Variants in CROCC2 observed in about 807,000 individuals in gnomAD.
CROCC2 encodes ciliary rootlet coiled-coil protein 2.
A neutral mutation model predicts 177.6 loss-of-function variants in CROCC2; 163 were observed. That is an observed-to-expected ratio of 0.92 (90% CI 0.81 to 1.05). The LOEUF is 1.05. CROCC2 is among the 50% of genes least tolerant of loss of function. The pLI is 0.00. For synonymous variants in CROCC2, 904 were observed against 787.3 expected (o/e 1.15, Z -2.48); for missense variants, 1,929 against 1,797.8 (o/e 1.07, Z -1.32).
At chr2:240,964,683 C>T (rs544980925) in intron 22 of CROCC2, 58 bp downstream of exon 22, 13 of 1,515,900 alleles carry the variant, frequency 8.6e-6, no homozygotes, top group African/African-American at 6.9e-5. Context: ...TGGTGGGTCC[C>T]GGCTCCTCCC....
chr2:240,935,353 G>C lies in CROCC2; in HGVS notation c.1939-5G>C. 8.1e-6 allele frequency: 11 copies of C among 1,356,592 alleles called. No individual in the cohort carries two copies. Among genetic ancestry groups the C allele is most frequent in the Non-Finnish European group, 1.0e-5 (11 of 1,048,408 alleles). The allele number at this position is 1,356,592 out of a possible 1,614,324, so 84.0% of individuals were successfully genotyped here. On this transcript the variant is annotated splice_polypyrimidine_tract_variant and splice_region_variant and intron_variant, in intron 13 of 31. Coordinates refer to ENST00000690015, the MANE Select transcript of CROCC2 (RefSeq NM_001351305.2). Reference sequence around the variant, plus strand: ...GGATGCAGAGCCCCCGACACCTGGTGGCAGCTGGAGCAGGAGCGGGACCAG... The same window carrying C: ...GGATGCAGAGCCCCCGACACCTGGTCGCAGCTGGAGCAGGAGCGGGACCAG...
intron 28 of CROCC2, chr2:240,983,591 G>A (rs1199830253): frequency 2.3e-6 from 3 of 1,282,414 alleles, no homozygotes; most frequent in Admixed American, 4.6e-5. Context: ...AGGCGGCAGC[G>A]GTGGTCCTTA....
Position 240,988,761 on chromosome 2 carries a change from G to A in CROCC2, c.4574G>A (p.Arg1525Lys). ...CAGATGGAGCAAGAGACACTGAAGA[G>A]GGAGGAGGATGTGGCGAGGCTGGGG... ...LRQMEQETLKREEDVARLGAE... is the reference protein window; with the variant it reads ...LRQMEQETLKKEEDVARLGAE... Residue 1525 changes from arginine to lysine, a missense_variant, in exon 29 of 32, where the codon AGG becomes AAG. Physicochemically the swap from Arg to Lys is conservative, Grantham distance 26. Transcript: ENST00000690015. 1 of 1,496,708 alleles carries A rather than the reference G, an allele frequency of 6.7e-7. No individual in the cohort carries two copies. The highest frequency in any genetic ancestry group is 2.1e-5 in the Admixed American group (1 of 46,708). The allele number at this position is 1,496,708 out of a possible 1,614,324, so 92.7% of individuals were successfully genotyped here.
intron 27 of CROCC2, among the ~76,000 whole-genome samples, chr2:240,975,766 G>A (rs182022367): frequency 7.3e-5 from 9 of 123,370 alleles, no homozygotes; most frequent in South Asian, 2.5e-4. Context: ...TTTTGCTCTC[G>A]TTGCCCAGGC....
intron 14 of CROCC2, among the ~76,000 whole-genome samples, chr2:240,943,385 C>T (rs1158758599): frequency 6.6e-6 from 1 of 152,086 alleles, no homozygotes; most frequent in Non-Finnish European, 1.5e-5. Flanking sequence ...CTTTTCGTTC[C>T]CCGGCTGCTT....
chr2:240,989,676 A>C lies in CROCC2; in HGVS notation c.4706A>C (p.Gln1569Pro). 3.2e-6 allele frequency: 5 copies of C among 1,548,284 alleles called. No homozygotes were observed. The highest frequency in any genetic ancestry group is 4.4e-6 in the Non-Finnish European group (5 of 1,145,248). The change falls in exon 30 of 32, where the codon CAG becomes CCG. Residue 1569 changes from glutamine to proline, a missense_variant. Transcript: ENST00000690015. ...CAGGCCCAGATGACAGAGATGGAGC[A>C]GGCCCACACCCAGCGGCTCCAGGAC... is the stretch of plus-strand genomic sequence containing the variant. ...QLQAQMTEME[Q>P]AHTQRLQDLT...
intron 27 of CROCC2, among the ~76,000 whole-genome samples, chr2:240,969,098 A>C (rs1483787562): frequency 6.6e-6 from 1 of 152,148 alleles, no homozygotes. Flanking sequence ...TTCTGGAAAG[A>C]GGGGGCCAGC....
At position 240,930,245 on chromosome 2, in the gene CROCC2, C is replaced by T; in HGVS notation, c.725C>T (p.Ala242Val). Residue 242 changes from alanine (A) to valine (V), a missense_variant, in exon 6 of 32, where the codon GCC becomes GTC. Around this residue, in one of 3 missense-constraint regions of CROCC2, gnomAD observed 1,397 missense variants for 1,239.9 expected, o/e 1.13. Transcript: ENST00000690015. ...GCCGTGGTGCTGGGGACAGACCTGG[C>T]CGAGCTGCGTGTAGCCACTGAGAGG... ...RQAVVLGTDLAELRVATERGL... is the reference protein window; with the variant it reads ...RQAVVLGTDLVELRVATERGL... The T allele has an allele frequency of 3.5e-6, 2 of 579,040 alleles. No individual in the cohort carries two copies. Among genetic ancestry groups the T allele is most frequent in the Non-Finnish European group, 6.3e-6 (2 of 315,714 alleles). The allele number at this position is 579,040 out of a possible 1,614,324, so 35.9% of individuals were successfully genotyped here.
chr2:240,957,865 C>G (rs1207149024), intron 19 of CROCC2: 7 of 576,324 alleles, frequency 1.2e-5, no homozygotes, highest in African/African-American at 2.0e-5. Context: ...CTCCTCCCGA[C>G]CACTGGCCCA....
rs558369204 is a variant in CROCC2, at chr2:240,918,815, C to A, written c.168C>A (p.Thr56=). ...GGGAAGGCCGGCAGGCCTCGCCCAC[C>A]CCCGTGCCCACCCGCATCCGTGAGA... The part of the protein sequence containing the change: ...VRGEGRQASP[T]PVPTRIREIV... The change falls in exon 2 of 32, where the codon ACC becomes ACA. Residue 56 remains threonine, a synonymous_variant. Coordinates refer to ENST00000690015, the MANE Select transcript of CROCC2 (RefSeq NM_001351305.2). This position sits in a 1 kb window ranked among gnomAD's most constrained non-coding sequence, Gnocchi z 6.3. The A allele has an allele frequency of 6.5e-6, 4 of 620,012 alleles. No homozygotes were observed. Among genetic ancestry groups the A allele is most frequent in the South Asian group, 3.8e-5 (2 of 52,514 alleles). 38.4% of individuals were successfully genotyped at this position (620,012 alleles called of 1,614,324 possible).
rs1339237124 is a variant in CROCC2 at position 240,930,092 on chromosome 2, C to T, written c.646-74C>T. The T allele has an allele frequency of 5.8e-6, 3 of 521,360 alleles. No individual in the cohort carries two copies. The East Asian group carries it at 9.0e-5, about 16-fold the overall frequency. 32.3% of individuals were successfully genotyped at this position (521,360 alleles called of 1,614,324 possible). On this transcript the variant is annotated intron_variant, in intron 5 of 31. Transcript: ENST00000690015. ...CAGCCCCCATGGAGAGGGACATGCA[C>T]TTGGAAAAGAGTGGGCTTCAGGGAG...
Position 240,963,786 on chromosome 2 carries a change from C to T in CROCC2, c.3305+13C>T, listed in dbSNP as rs1212885436. The T allele has an allele frequency of 2.6e-6, 4 of 1,545,186 alleles. No individual in the cohort carries two copies. Among genetic ancestry groups the T allele is most frequent in the Non-Finnish European group, 3.5e-6 (4 of 1,143,148 alleles). ...AGGAGAAGGCCAGGTATGGCGGCCA[C>T]CCAGGAGCAGCTGGGGGTGCCCTGC... On this transcript the variant is annotated intron_variant, in intron 21 of 31. Transcript: ENST00000690015.
At position 240,933,055 on chromosome 2, in the gene CROCC2, T is replaced by C. The variant is rs139776366; in HGVS notation, c.1252-76T>C. On this transcript the variant is annotated intron_variant, in intron 9 of 31. Transcript: ENST00000690015. ...TGTCGGGGGTGTCCTTTCTGGGGAG[T>C]CGCAAGCCCTGGTGGGCCTCGGTGG... 3.8e-3 allele frequency: 5,770 copies of C among 1,530,526 alleles called. 39 individuals carry two copies. Among genetic ancestry groups the C allele is most frequent in the Admixed American group, 0.026 (1,316 of 50,728 alleles). The allele number at this position is 1,530,526 out of a possible 1,614,324, so 94.8% of individuals were successfully genotyped here. A position where few individuals can be genotyped will look rare whatever the true frequency, so the allele number is the denominator to read the frequency against.
chr2:240,964,686 C>G, intron 22 of CROCC2, 61 bp downstream of exon 22: 1 of 1,512,296 alleles, frequency 6.6e-7, no homozygotes, highest in Non-Finnish European at 8.9e-7. Context: ...TGGGTCCCGG[C>G]TCCTCCCAGG....
chr2:240,922,714 C>T (rs1229712967), intron 4 of CROCC2, 69 bp downstream of exon 4: 2 of 512,322 alleles, frequency 3.9e-6, no homozygotes, highest in Non-Finnish European at 7.0e-6. Context: ...CAGTGGGACC[C>T]TCTGTGCCTT....
Position 240,917,149 on chromosome 2 carries a change from G to A in CROCC2, c.79-1577G>A, listed in dbSNP as rs2059326125. Reference sequence around the variant, plus strand: ...GACAGACCCTGGTGCACGGGCTGTCGGGAGGACGGGCGGGCTGGCCCCAGA... The same window carrying A: ...GACAGACCCTGGTGCACGGGCTGTCAGGAGGACGGGCGGGCTGGCCCCAGA... On this transcript the variant is annotated intron_variant, in intron 1 of 31. Coordinates refer to ENST00000690015, the MANE Select transcript of CROCC2 (RefSeq NM_001351305.2). This position sits in a 1 kb window ranked among gnomAD's most constrained non-coding sequence, Gnocchi z 4.9. 6.6e-6 allele frequency among the ~76,000 whole-genome samples: 1 copy of A among 152,176 alleles called. No homozygotes were observed. Among genetic ancestry groups the A allele is most frequent in the African/African-American group, 2.4e-5 (1 of 41,448 alleles).
chr2:240,984,169 G>C (rs1247500068), intron 28 of CROCC2, among the ~76,000 whole-genome samples: 2 of 152,126 alleles, frequency 1.3e-5, no homozygotes, highest in African/African-American at 2.4e-5. Flanking sequence ...GACAAACGTA[G>C]ACCACTGTGT....
chr2:240,963,564 G>C lies in CROCC2; in HGVS notation c.3096G>C (p.Arg1032Ser), dbSNP rs763760716. The C allele has an allele frequency of 1.3e-6, 2 of 1,542,264 alleles. No homozygotes were observed. Among genetic ancestry groups the C allele is most frequent in the African/African-American group, 2.7e-5 (2 of 72,804 alleles). ...TGAATGGTCCTCCCCAGGCTGAGAG[G>C]CTGCGGGCACAGCTGACCGTGGCCC... ...ERGDVEREAE[R>S]LRAQLTVAQE... The change falls in exon 21 of 32, where the codon AGG (arginine) becomes AGC (serine). Residue 1032 changes from arginine (R) to serine (S), a missense_variant. By Grantham distance (110) the Arg-to-Ser change is moderately radical. Transcript: ENST00000690015.
chr2:240,943,445 G>C lies in CROCC2; in HGVS notation c.2170-2615G>C, dbSNP rs551462072. The stretch of plus-strand genomic sequence containing the variant: ...ATCTCTTCAATCTCATAAGCCTGCT[G>C]AAATCTTAGGCCATGTTCCCAGTCT... On this transcript the variant is annotated intron_variant, in intron 14 of 31. Transcript: ENST00000690015. Among the ~76,000 whole-genome samples, 3 of 149,010 alleles carry C rather than the reference G, an allele frequency of 2.0e-5. No individual in the cohort carries two copies. The South Asian group carries it at 6.4e-4, about 32-fold the overall frequency.
Sources: allele counts gnomAD v4.1 joint callset (sites outside exome capture counted in the v4.1 genomes callset), GRCh38; gene constraint gnomAD v4.1.1; regional missense constraint gnomAD v4.1.1; non-coding constraint Gnocchi (gnomAD v3.1); transcripts MANE v1.5; gene names NCBI Gene and HGNC (gene_info 2026-07-23, HGNC 2026-07-21).